The following NOS1AP variants were observed in gnomAD, a reference collection of about 807,000 sequenced individuals.
NOS1AP encodes carboxyl-terminal PDZ ligand of neuronal nitric oxide synthase protein.
NOS1AP carries 21 observed loss-of-function variants against 56.2 expected under a neutral mutation model. That is an observed-to-expected ratio of 0.37 (90% CI 0.26 to 0.54). The LOEUF (loss-of-function observed/expected upper bound fraction) is 0.54, where lower values mean the gene tolerates loss of function less well. NOS1AP is among the 20% of genes least tolerant of loss of function. The pLI is 0.84. For missense variants in NOS1AP, 522 were observed against 657.8 expected (o/e 0.79, Z 2.26); for synonymous variants, 270 against 274.6 (o/e 0.98, Z 0.17).
intron 1 of NOS1AP, among the ~76,000 whole-genome samples, chr1:162,101,919 G>A (rs945191543): frequency 3.9e-5 from 6 of 152,066 alleles, no homozygotes; most frequent in Admixed American, 2.6e-4. Context: ...CTTCCTATTC[G>A]AATCCCCTTT....
intron 2 of NOS1AP, among the ~76,000 whole-genome samples, chr1:162,205,714 A>G (rs1652140301): frequency 6.6e-6 from 1 of 152,184 alleles, no homozygotes. Context: ...TGGGAATTGT[A>G]GCTGTCTTGC....
At chr1:162,085,198 C>G (rs1691975530) in intron 1 of NOS1AP, among the ~76,000 whole-genome samples, 1 of 152,116 alleles carries the variant, frequency 6.6e-6, no homozygotes, top group African/African-American at 2.4e-5. Flanking sequence ...TATGCCATCT[C>G]TTGGGTGCTG....
chr1:162,277,555 T>C (rs1250786627), intron 2 of NOS1AP, among the ~76,000 whole-genome samples: 1 of 152,174 alleles, frequency 6.6e-6, no homozygotes, highest in African/African-American at 2.4e-5. Context: ...TACCCTTATC[T>C]CTTGCTCATC....
chr1:162,334,125 C>T (rs1656862939), intron 5 of NOS1AP, among the ~76,000 whole-genome samples: 1 of 152,176 alleles, frequency 6.6e-6, no homozygotes, highest in Non-Finnish European at 1.5e-5. Flanking sequence ...TTGTCAATAA[C>T]ACATGCCAGG....
chr1:162,348,425 C>T (rs1657373663), intron 6 of NOS1AP, among the ~76,000 whole-genome samples: 1 of 152,138 alleles, frequency 6.6e-6, no homozygotes, highest in Non-Finnish European at 1.5e-5. Context: ...TTGATTGTAA[C>T]AGATGGTCAG....
chr1:162,193,211 TG>T (rs755708884), intron 2 of NOS1AP, among the ~76,000 whole-genome samples: 1 of 152,138 alleles, frequency 6.6e-6, no homozygotes, highest in Non-Finnish European at 1.5e-5. Flanking sequence ...GCTGGAAGCC[TG>T]GGTTGTTTGA....
chr1:162,294,874 C>T (rs1163936240), intron 3 of NOS1AP, among the ~76,000 whole-genome samples: 6 of 152,206 alleles, frequency 3.9e-5, no homozygotes, highest in African/African-American at 1.4e-4. Context: ...CACTCCCTCC[C>T]CACTCACAAT....
intron 8 of NOS1AP, among the ~76,000 whole-genome samples, chr1:162,359,727 G>A (rs1115777): frequency 0.013 from 1,909 of 151,924 alleles, 45 homozygotes; most frequent in African/African-American, 0.042. Flanking sequence ...CGCGGGGGGG[G>A]GCTGATTTCA....
At chr1:162,174,018 A>G (rs145225190) in intron 2 of NOS1AP, among the ~76,000 whole-genome samples, 6,523 of 152,272 alleles carry the variant, frequency 0.043, 295 homozygotes, top group African/African-American at 0.11. Flanking sequence ...TCAGGGATCT[A>G]GAACTAGAAA....
chr1:162,205,206 C>T (rs749019419), intron 2 of NOS1AP, among the ~76,000 whole-genome samples: 1 of 152,222 alleles, frequency 6.6e-6, no homozygotes, highest in Non-Finnish European at 1.5e-5. Flanking sequence ...ATTGAGCAAA[C>T]ATTTATTGAT....
intron 6 of NOS1AP, among the ~76,000 whole-genome samples, chr1:162,352,609 G>A (rs910296036): frequency 6.6e-6 from 1 of 152,090 alleles, no homozygotes; most frequent in Non-Finnish European, 1.5e-5. Flanking sequence ...CAAGATTAAG[G>A]TGCCAGCCAA....
At chr1:162,235,197 A>C (rs2101674005) in intron 2 of NOS1AP, among the ~76,000 whole-genome samples, 1 of 152,282 alleles carries the variant, frequency 6.6e-6, no homozygotes. Flanking sequence ...CCTGATTCTG[A>C]AAGCTTTTCC....
chr1:162,125,049 TG>T (rs1410322831), intron 1 of NOS1AP, among the ~76,000 whole-genome samples: 1 of 152,244 alleles, frequency 6.6e-6, no homozygotes, highest in African/African-American at 2.4e-5. Flanking sequence ...CCATAGAGGT[TG>T]TACTAATTTA....
At chr1:162,159,917 G>C (rs1345891001) in intron 2 of NOS1AP, among the ~76,000 whole-genome samples, 1 of 152,138 alleles carries the variant, frequency 6.6e-6, no homozygotes, top group Non-Finnish European at 1.5e-5. Context: ...ATGTCACTGG[G>C]TGGCTCCTGA....
chr1:162,346,314 A>G (rs1657294497), intron 6 of NOS1AP, among the ~76,000 whole-genome samples: 1 of 152,220 alleles, frequency 6.6e-6, no homozygotes, highest in Admixed American at 6.5e-5. Flanking sequence ...ATTACAATAC[A>G]ATATGGTACA....
chr1:162,306,712 G>A (rs758689264), intron 4 of NOS1AP, among the ~76,000 whole-genome samples: 38 of 152,186 alleles, frequency 2.5e-4, no homozygotes, highest in Non-Finnish European at 4.6e-4. Flanking sequence ...TAAGTTGGGC[G>A]AATCACTTGA....
At chr1:162,341,361 C>A (rs935078422) in intron 5 of NOS1AP, among the ~76,000 whole-genome samples, 1 of 152,072 alleles carries the variant, frequency 6.6e-6, no homozygotes, top group African/African-American at 2.4e-5. Flanking sequence ...AATCTGTACC[C>A]TGGGAATGAA....
chr1:162,152,201 GGCA>G (rs1649742680), intron 1 of NOS1AP, among the ~76,000 whole-genome samples: 1 of 152,170 alleles, frequency 6.6e-6, no homozygotes, highest in Non-Finnish European at 1.5e-5. Flanking sequence ...GGTCTCACTG[GGCA>G]GCAGCCCCTT....
intron 1 of NOS1AP, among the ~76,000 whole-genome samples, chr1:162,116,460 G>C (rs1381029317): frequency 6.6e-6 from 1 of 152,126 alleles, no homozygotes; most frequent in African/African-American, 2.4e-5. Context: ...ATCATACCCA[G>C]GGTATTTATT....
Sources: allele counts gnomAD v4.1 joint callset (sites outside exome capture counted in the v4.1 genomes callset), GRCh38; gene constraint gnomAD v4.1.1; transcripts MANE v1.5; gene names NCBI Gene and HGNC (gene_info 2026-07-23, HGNC 2026-07-21).